SEL1L3: variants seen among roughly 807,000 people sequenced by gnomAD.
The protein encoded by SEL1L3 is SEL1L family member 3, also known as protein sel-1 homolog 3.
SEL1L3 carries 76 observed loss-of-function variants against 142.8 expected under a neutral mutation model. That is an observed-to-expected ratio of 0.53 (90% CI 0.44 to 0.64). The LOEUF is 0.64. Ranked by LOEUF, SEL1L3 falls within the 30% of genes least tolerant of loss-of-function variation. The probability of loss-of-function intolerance (pLI) is 0.00; values close to 1 mark genes in which losing one functional copy is unlikely to be tolerated. For synonymous variants in SEL1L3, 504 were observed against 519.6 expected (o/e 0.97, Z 0.41); for missense variants, 1,262 against 1,381.7 (o/e 0.91, Z 1.37).
At chr4:25,772,576 A>G (rs1172053878) in intron 17 of SEL1L3, among the ~76,000 whole-genome samples, 4 of 152,036 alleles carry the variant, frequency 2.6e-5, no homozygotes, top group Non-Finnish European at 4.4e-5. Context: ...AAGAAAAGGC[A>G]AGGCAAGGCA....
chr4:25,741,832 T>TA, the SEL1L3 span, among the ~76,000 whole-genome samples: 20 of 148,742 alleles, frequency 1.3e-4, no homozygotes, highest in African/African-American at 4.8e-4. Context: ...ATTATATATA[T>TA]TTTTTTTGAG....
At chr4:25,735,290 C>T in the SEL1L3 span, among the ~76,000 whole-genome samples, 2 of 152,032 alleles carry the variant, frequency 1.3e-5, no homozygotes, top group African/African-American at 4.8e-5. Context: ...AGCAATCCTC[C>T]TGCCCCAGCC....
the SEL1L3 span, among the ~76,000 whole-genome samples, chr4:25,717,856 G>A: frequency 6.6e-6 from 1 of 152,128 alleles, no homozygotes; most frequent in South Asian, 2.1e-4. Flanking sequence ...GATTAACTAA[G>A]ATAAAGGTTA....
At chr4:25,862,591 C>G (rs1717800493) in intron 1 of SEL1L3, 84 bp downstream of exon 1, 1 of 667,480 alleles carries the variant, frequency 1.5e-6, no homozygotes, top group South Asian at 6.5e-5. Flanking sequence ...CCCCGCCCCG[C>G]GTGGCGGGTG....
chr4:25,835,750 T>C (rs1207808381), intron 2 of SEL1L3, among the ~76,000 whole-genome samples: 1 of 152,234 alleles, frequency 6.6e-6, no homozygotes, highest in Non-Finnish European at 1.5e-5. Context: ...GGTCCTGACA[T>C]TTCTGTAAAT....
intron 9 of SEL1L3, among the ~76,000 whole-genome samples, chr4:25,806,182 G>A (rs959786132): frequency 2.6e-5 from 4 of 151,720 alleles, no homozygotes; most frequent in African/African-American, 9.7e-5. Flanking sequence ...GGGACTACAG[G>A]CGCCCGCCAG....
chr4:25,757,486 GC>G (rs373985795), intron 23 of SEL1L3, 47 bp downstream of exon 23: 2,326 of 976,774 alleles, frequency 2.4e-3, no homozygotes, highest in Non-Finnish European at 3.0e-3. Flanking sequence ...AAAAATCCCT[GC>G]TTTTTTTTTT....
At chr4:25,853,643 C>T (rs546306611) in intron 1 of SEL1L3, among the ~76,000 whole-genome samples, 1 of 143,610 alleles carries the variant, frequency 7.0e-6, no homozygotes, top group Admixed American at 7.0e-5. Context: ...CATTAATATT[C>T]ATTATGCCTG....
chr4:25,794,547 T>C (rs1274788064), intron 11 of SEL1L3, among the ~76,000 whole-genome samples: 1 of 152,182 alleles, frequency 6.6e-6, no homozygotes, highest in East Asian at 1.9e-4. Flanking sequence ...TGGCGATTAT[T>C]AACAAGTCAA....
Position 25,862,791 on chromosome 4 carries a change from G to T in SEL1L3, c.46C>A (p.Gln16Lys). Residue 16 changes from glutamine (Q) to lysine (K), a missense_variant, in exon 1 of 24, where the codon CAG becomes AAG. By Grantham distance (53) the Gln-to-Lys change is moderately conservative. This residue lies in a region of SEL1L3 where 689 missense variants were observed against 692.8 expected (regional missense o/e 0.99). Coordinates refer to ENST00000399878, the MANE Select transcript of SEL1L3 (RefSeq NM_015187.5). The part of the protein sequence containing the change: ...AGLGWPRQQQ[Q>K]QPPPLAVGPR... ...CCGACCGCGAGCGGCGGGGGTTGCTGCTGCTGCTGCCGCGGCCACCCGAGC... is the reference window on the plus strand; with the variant it reads ...CCGACCGCGAGCGGCGGGGGTTGCTTCTGCTGCTGCCGCGGCCACCCGAGC... 1 of 1,183,080 alleles carries T rather than the reference G, an allele frequency of 8.5e-7. No homozygotes were observed. The highest frequency in any genetic ancestry group is 1.0e-6 in the Non-Finnish European group (1 of 957,542). 73.3% of individuals were successfully genotyped at this position (1,183,080 alleles called of 1,614,324 possible). A position where few individuals can be genotyped will look rare whatever the true frequency, so the allele number is the denominator to read the frequency against.
the SEL1L3 span, among the ~76,000 whole-genome samples, chr4:25,731,810 T>C: frequency 6.6e-6 from 1 of 152,148 alleles, no homozygotes; most frequent in Non-Finnish European, 1.5e-5. Flanking sequence ...CAGTGGCTCA[T>C]GCGTGTAATC....
intron 11 of SEL1L3, among the ~76,000 whole-genome samples, chr4:25,797,398 G>A (rs146272876): frequency 9.9e-5 from 15 of 152,282 alleles, no homozygotes; most frequent in African/African-American, 3.6e-4. Flanking sequence ...GCCTCTTAGC[G>A]TGTTTAAAAT....
chr4:25,765,596 A>C (rs1450906958), intron 19 of SEL1L3, among the ~76,000 whole-genome samples, 161 bp from the exon 20 acceptor site: 1 of 152,168 alleles, frequency 6.6e-6, no homozygotes. Flanking sequence ...ACAAGCAAAA[A>C]GGCTTTTTGC....
At chr4:25,780,298 T>C (rs1719907907) in intron 15 of SEL1L3, among the ~76,000 whole-genome samples, 1 of 152,146 alleles carries the variant, frequency 6.6e-6, no homozygotes, top group South Asian at 2.1e-4. Flanking sequence ...ATCCAATGCA[T>C]GAACCCCCTG....
chr4:25,795,666 C>G (rs1712685437), intron 11 of SEL1L3, among the ~76,000 whole-genome samples: 1 of 152,142 alleles, frequency 6.6e-6, no homozygotes, highest in South Asian at 2.1e-4. Context: ...TGGACCCAGG[C>G]AAATCTGGCC....
intron 2 of SEL1L3, among the ~76,000 whole-genome samples, chr4:25,838,795 C>A (rs1490509424): frequency 6.6e-6 from 1 of 152,218 alleles, no homozygotes; most frequent in Non-Finnish European, 1.5e-5. Flanking sequence ...AATCTCATCC[C>A]TGGGTCAGGT....
intron 9 of SEL1L3, among the ~76,000 whole-genome samples, chr4:25,807,368 TG>T (rs1713661469): frequency 6.6e-6 from 1 of 152,212 alleles, no homozygotes; most frequent in Non-Finnish European, 1.5e-5. Context: ...AATCTTGTCT[TG>T]GATTTTCCCT....
At chr4:25,786,326 G>A (rs1363035706) in intron 13 of SEL1L3, among the ~76,000 whole-genome samples, 1 of 152,130 alleles carries the variant, frequency 6.6e-6, no homozygotes, top group Admixed American at 6.5e-5. Flanking sequence ...CTAGCCACAG[G>A]CGGAAATCTT....
chr4:25,790,681 A>C, intron 11 of SEL1L3, 107 bp from the exon 12 acceptor site: 1 of 60,828 alleles, frequency 1.6e-5, no homozygotes, highest in African/African-American at 6.8e-5. Context: ...GGAGGGAGGG[A>C]GGGAGGGAGG....
Sources: gnomAD v4.1 joint callset for allele counts (sites outside exome capture counted in the v4.1 genomes callset) on GRCh38, gnomAD v4.1.1 for gene constraint, gnomAD v4.1.1 regional missense constraint, MANE v1.5 for transcripts, NCBI Gene and HGNC (gene_info 2026-07-23, HGNC 2026-07-21) for gene names.